The following NCAPD3 variants were observed in gnomAD, a reference collection of about 807,000 sequenced individuals.
The protein encoded by NCAPD3 is condensin-2 complex subunit D3.
A neutral mutation model predicts 182.9 loss-of-function variants in NCAPD3; 105 were observed. The observed-to-expected ratio is 0.57, with a 90% CI of 0.49 to 0.68. The LOEUF is 0.68. NCAPD3 is among the 30% of genes least tolerant of loss of function. The pLI, the probability that NCAPD3 is intolerant of heterozygous loss-of-function variation, is 0.00. For synonymous variants in NCAPD3, 815 were observed against 679.9 expected, an observed-to-expected ratio of 1.20 and a Z score of -3.09; for missense variants, 1,944 against 1,837.0, an observed-to-expected ratio of 1.06 and a Z score of -1.07.
chr11:134,168,878 C>T (rs759544382), intron 25 of NCAPD3, 39 bp downstream of exon 25: 3 of 1,594,338 alleles, frequency 1.9e-6, no homozygotes, highest in Non-Finnish European at 2.6e-6. Flanking sequence ...CCAGCTCTTA[C>T]CCAGATACAA....
chr11:134,166,966 A>G (rs868311143), intron 27 of NCAPD3, among the ~76,000 whole-genome samples: 109 of 80,552 alleles, frequency 1.4e-3, no homozygotes, highest in African/African-American at 4.2e-3. Flanking sequence ...AGATGAGCTT[A>G]GGGGAGCTGC....
At chr11:134,179,167 C>T (rs1292610448) in intron 20 of NCAPD3, among the ~76,000 whole-genome samples, 1 of 152,162 alleles carries the variant, frequency 6.6e-6, no homozygotes, top group African/African-American at 2.4e-5. Context: ...CTAGACACAT[C>T]TGCAAGTAAA....
At chr11:134,188,364 G>A (rs1023949436) in intron 16 of NCAPD3, among the ~76,000 whole-genome samples, 1 of 152,222 alleles carries the variant, frequency 6.6e-6, no homozygotes, top group East Asian at 1.9e-4. Flanking sequence ...CAATTAGCAG[G>A]ACATGGGCGG....
intron 1 of NCAPD3, chr11:134,223,361 G>A: frequency 1.4e-6 from 1 of 694,680 alleles, no homozygotes; most frequent in Non-Finnish European, 2.6e-6. Context: ...CATGAAAGGG[G>A]AAGCAGAAAT....
At chr11:134,158,773 C>T (rs1422668018) in intron 29 of NCAPD3, among the ~76,000 whole-genome samples, 1 of 151,694 alleles carries the variant, frequency 6.6e-6, no homozygotes, top group Non-Finnish European at 1.5e-5. Context: ...CTTATTTCTT[C>T]TATCTAACTG....
chr11:134,195,890 T>A (rs1023576223), intron 13 of NCAPD3, among the ~76,000 whole-genome samples: 10 of 152,252 alleles, frequency 6.6e-5, no homozygotes, highest in Non-Finnish European at 8.8e-5. Flanking sequence ...CCAATATACA[T>A]TCGTGAGGAA....
intron 3 of NCAPD3, among the ~76,000 whole-genome samples, chr11:134,214,734 C>T (rs1937955337): frequency 6.6e-6 from 1 of 152,098 alleles, no homozygotes; most frequent in Non-Finnish European, 1.5e-5. Flanking sequence ...AGAAATTCTA[C>T]AAACATAAAC....
At chr11:134,168,623 T>C in intron 25 of NCAPD3, 21 bp from the exon 26 acceptor site, 1 of 1,613,746 alleles carries the variant, frequency 6.2e-7, no homozygotes, top group African/African-American at 1.3e-5. Flanking sequence ...ACGGGACAAG[T>C]TCACTGCATC....
At chr11:134,184,808 TATACACACACACAC>T (rs1420640840) in intron 18 of NCAPD3, 56 bp from the exon 19 acceptor site, 28 of 955,566 alleles carry the variant, frequency 2.9e-5, no homozygotes, top group Middle Eastern at 2.2e-4. Context: ...TTCAGGTATA[TATACACACACACAC>T]ACACACACAC....
Position 134,161,774 on chromosome 11 carries a change from C to G in NCAPD3, c.3684+7G>C. 1 of 1,512,726 alleles carries G rather than the reference C, an allele frequency of 6.6e-7. No homozygotes were observed. The highest frequency in any genetic ancestry group is 9.2e-7 in the Non-Finnish European group (1 of 1,092,464). 93.7% of individuals were successfully genotyped at this position (1,512,726 alleles called of 1,614,324 possible). A position where few individuals can be genotyped will look rare whatever the true frequency, so the allele number is the denominator to read the frequency against. On this transcript the variant is annotated splice_region_variant and intron_variant, in intron 28 of 34. Transcript: ENST00000534548. ...AACAACCACAAAAGCACAGGCTCCA[C>G]CCTTACCCTGAGATAGTGCATGAGT...
chr11:134,210,801 C>G (rs1028635986), intron 3 of NCAPD3, among the ~76,000 whole-genome samples: 1 of 152,144 alleles, frequency 6.6e-6, no homozygotes, highest in South Asian at 2.1e-4. Context: ...AGAGGTAAAC[C>G]CTCAAGTTGC....
chr11:134,208,847 G>A lies in NCAPD3; in HGVS notation c.882+17C>T, dbSNP rs754166960. 19 of 1,580,018 alleles carry A rather than the reference G, an allele frequency of 1.2e-5. No individual in the cohort carries two copies. The highest frequency in any genetic ancestry group is 1.6e-5 in the Non-Finnish European group (18 of 1,153,050). On this transcript the variant is annotated intron_variant, in intron 7 of 34. Coordinates refer to ENST00000534548, the MANE Select transcript of NCAPD3 (RefSeq NM_015261.3). ...TCGATTCAACTAGTAACCAAATTAG[G>A]TTCTCATCTCCTTTACCTTATCTCC...
intron 3 of NCAPD3, among the ~76,000 whole-genome samples, chr11:134,213,327 CTT>C (rs200022450): frequency 1.3e-5 from 2 of 148,270 alleles, no homozygotes; most frequent in Non-Finnish European, 3.0e-5. Context: ...CTGGACCTCT[CTT>C]TTTTTTTTCT....
intron 27 of NCAPD3, among the ~76,000 whole-genome samples, chr11:134,164,080 A>G (rs900285934): frequency 2.0e-5 from 3 of 152,180 alleles, no homozygotes; most frequent in Non-Finnish European, 4.4e-5. Flanking sequence ...CAGAGTCTAT[A>G]TCCTTGGAGT....
rs1296629107 is a variant in NCAPD3 at position 134,184,679 on chromosome 11, C to T, written c.2409G>A (p.Gln803=). 2 of 1,614,006 alleles carry T rather than the reference C, an allele frequency of 1.2e-6. No individual in the cohort carries two copies. The highest frequency in any genetic ancestry group is 4.5e-5 in the East Asian group (2 of 44,874). ...EVISSAVDAL[Q]RLCRASAETP... is the part of the protein sequence containing the mutation. ...TCTCTGCAGATGCTCTACAAAGCCT[C>T]TGCAAGGCGTCAACAGCTGAACTGA... The change falls in exon 19 of 35, where the codon CAG becomes CAA. Residue 803 remains glutamine (Q), a synonymous_variant. Coordinates refer to ENST00000534548, the MANE Select transcript of NCAPD3 (RefSeq NM_015261.3).
intron 24 of NCAPD3, among the ~76,000 whole-genome samples, chr11:134,169,761 CCA>C (rs533375005): frequency 2.0e-5 from 3 of 152,210 alleles, no homozygotes; most frequent in Non-Finnish European, 4.4e-5. Context: ...CTACAGGCCA[CCA>C]CAGAGTTTCT....
chr11:134,217,016 T>A lies in NCAPD3; in HGVS notation c.302A>T (p.His101Leu). ...ALFYHFVQIV[H>L]KKNVSVQYRE... ...ATACTGTACACTGACATTCTTCTTA[T>A]GAACTATTTGAACAAAATGATAGAA... The change falls in exon 3 of 35, where the codon CAT (histidine) becomes CTT (leucine). Residue 101 changes from histidine to leucine, a missense_variant. Transcript: ENST00000534548. The A allele has an allele frequency of 6.2e-7, 1 of 1,613,996 alleles. No homozygotes were observed. The highest frequency in any genetic ancestry group is 8.5e-7 in the Non-Finnish European group (1 of 1,179,900).
Position 134,176,311 on chromosome 11 carries a change from C to A in NCAPD3, c.3097G>T (p.Ala1033Ser). ...TGACGTGAGGAAAAGATTTACCTGG[C>A]AATGTCTGGGTGTGAATCGATCAGA... ...STLIDSHPDIASFGEFCLAHL... is the reference protein window; with the variant it reads ...STLIDSHPDISSFGEFCLAHL... Residue 1033 changes from alanine (A) to serine (S), a missense_variant, in exon 24 of 35, where the codon GCC (alanine) becomes TCC (serine). Ala to Ser is a moderately conservative substitution (Grantham distance 99). Transcript: ENST00000534548. The A allele has an allele frequency of 6.2e-7, 1 of 1,613,536 alleles. No homozygotes were observed. Among genetic ancestry groups the A allele is most frequent in the African/African-American group, 1.3e-5 (1 of 75,024 alleles).
At chr11:134,160,991 C>G (rs1019378545) in intron 28 of NCAPD3, among the ~76,000 whole-genome samples, 1 of 150,758 alleles carries the variant, frequency 6.6e-6, no homozygotes, top group Non-Finnish European at 1.5e-5. Context: ...GCAATAAATA[C>G]AAGAATATTT....
Sources: gnomAD v4.1 joint callset for allele counts (sites outside exome capture counted in the v4.1 genomes callset) on GRCh38, gnomAD v4.1.1 for gene constraint, MANE v1.5 for transcripts, NCBI Gene and HGNC (gene_info 2026-07-23, HGNC 2026-07-21) for gene names.